The following FSTL5 variants were observed in gnomAD, a reference collection of about 807,000 sequenced individuals.
FSTL5 encodes the protein follistatin-related protein 5.
FSTL5 carries 62 observed loss-of-function variants against 89.1 expected under a neutral mutation model. That is an observed-to-expected ratio of 0.70 (90% CI 0.57 to 0.86). The LOEUF is 0.86. FSTL5 is among the 40% of genes least tolerant of loss of function. The pLI, the probability that FSTL5 is intolerant of heterozygous loss-of-function variation, is 0.00. For missense variants in FSTL5, 1,057 were observed against 1,001.6 expected, an observed-to-expected ratio of 1.06 and a Z score of -0.75; for synonymous variants, 383 against 346.2, an observed-to-expected ratio of 1.11 and a Z score of -1.18.
At chr4:161,925,138 T>C (rs999370208) in intron 3 of FSTL5, among the ~76,000 whole-genome samples, 1 of 151,840 alleles carries the variant, frequency 6.6e-6, no homozygotes, top group African/African-American at 2.4e-5. Flanking sequence ...GTAATAATGC[T>C]CAGCAAAACG....
At chr4:161,802,762 G>GA (rs1038726286) in intron 4 of FSTL5, among the ~76,000 whole-genome samples, 1 of 151,586 alleles carries the variant, frequency 6.6e-6, no homozygotes, top group Non-Finnish European at 1.5e-5. Context: ...TAACAAGATT[G>GA]AAAAAAATTA....
chr4:161,800,984 G>T (rs930823924), intron 4 of FSTL5, among the ~76,000 whole-genome samples: 1 of 151,464 alleles, frequency 6.6e-6, no homozygotes, highest in African/African-American at 2.4e-5. Flanking sequence ...CGGGAGTTTG[G>T]AAGTACTAGG....
chr4:161,963,364 A>C (rs947028372), intron 3 of FSTL5, among the ~76,000 whole-genome samples: 2 of 151,960 alleles, frequency 1.3e-5, no homozygotes, highest in Admixed American at 1.3e-4. Context: ...TAAAAATATA[A>C]ATCAAAGCAA....
chr4:161,466,324 C>T (rs568164801), intron 13 of FSTL5, among the ~76,000 whole-genome samples: 1 of 152,046 alleles, frequency 6.6e-6, no homozygotes, highest in South Asian at 2.1e-4. Context: ...CACATGATAC[C>T]CTAGTCATGG....
At chr4:162,058,442 T>TA (rs1738621855) in intron 2 of FSTL5, among the ~76,000 whole-genome samples, 1 of 141,620 alleles carries the variant, frequency 7.1e-6, no homozygotes, top group Admixed American at 7.2e-5. Context: ...TTTTTTTTTT[T>TA]TTGAGACAGG....
rs113051849 is a variant in FSTL5 at position 162,051,098 on chromosome 4, A to G, written c.127-17440T>C. 2.3e-3 allele frequency among the ~76,000 whole-genome samples: 352 copies of G among 151,726 alleles called. 2 individuals are homozygous for G. Among genetic ancestry groups the G allele is most frequent in the African/African-American group, 7.7e-3 (319 of 41,548 alleles). On this transcript the variant is annotated intron_variant, in intron 2 of 15. Coordinates refer to ENST00000306100, the MANE Select transcript of FSTL5 (RefSeq NM_020116.5). ...AAAGGACAAAAATGTATGTGTGTGC[A>G]GGGGAGGATGTGTATGTGTACTTGG... is the stretch of plus-strand genomic sequence containing the variant.
At chr4:162,092,146 C>T (rs561883699) in intron 2 of FSTL5, among the ~76,000 whole-genome samples, 4 of 152,082 alleles carry the variant, frequency 2.6e-5, no homozygotes, top group Admixed American at 2.6e-4. Context: ...AATCTAGGAA[C>T]TTTTATAAAT....
At chr4:161,663,684 G>A (rs543967933) in intron 6 of FSTL5, among the ~76,000 whole-genome samples, 2 of 152,238 alleles carry the variant, frequency 1.3e-5, no homozygotes, top group African/African-American at 4.8e-5. Context: ...CCATTCTGAG[G>A]TCTGGAGAAC....
intron 15 of FSTL5, among the ~76,000 whole-genome samples, chr4:161,431,496 A>G (rs1045802861): frequency 5.3e-5 from 8 of 151,982 alleles, no homozygotes; most frequent in Non-Finnish European, 1.0e-4. Flanking sequence ...AAATGAAAAC[A>G]TACTACCAGA....
At chr4:161,984,592 C>T (rs1372564602) in intron 3 of FSTL5, among the ~76,000 whole-genome samples, 1 of 152,010 alleles carries the variant, frequency 6.6e-6, no homozygotes, top group African/African-American at 2.4e-5. Flanking sequence ...CACTTTCTTG[C>T]CCAGGCTAGT....
Position 161,403,038 on chromosome 4 carries a change from C to T in FSTL5, c.1842-16589G>A, listed in dbSNP as rs28659916. ...TAGAGACGGGGTTTCACCGTGTTAG[C>T]GAGGATGGTCTTGATCTTCTGACCT... On this transcript the variant is annotated intron_variant, in intron 15 of 15. Coordinates refer to ENST00000306100, the MANE Select transcript of FSTL5 (RefSeq NM_020116.5). Among the ~76,000 whole-genome samples, 1,465 of 152,054 alleles carry T rather than the reference C, an allele frequency of 9.6e-3. 20 individuals carry two copies. The highest frequency in any genetic ancestry group is 0.053 in the East Asian group (273 of 5,144).
intron 1 of FSTL5, among the ~76,000 whole-genome samples, 182 bp from the exon 2 acceptor site, chr4:162,111,594 A>G (rs1026151574): frequency 8.1e-4 from 123 of 152,278 alleles, no homozygotes; most frequent in African/African-American, 2.7e-3. Flanking sequence ...ATCATAACAA[A>G]TACTTTTTTT....
intron 7 of FSTL5, among the ~76,000 whole-genome samples, chr4:161,648,432 A>G (rs1300323966): frequency 6.6e-6 from 1 of 152,148 alleles, no homozygotes; most frequent in Non-Finnish European, 1.5e-5. Flanking sequence ...TGTTAAGTGG[A>G]CAAGGGAACT....
chr4:161,743,824 G>C (rs1174781020), intron 6 of FSTL5, among the ~76,000 whole-genome samples: 1 of 152,142 alleles, frequency 6.6e-6, no homozygotes, highest in African/African-American at 2.4e-5. Context: ...TTTAAGCTGA[G>C]AGATGAGTAT....
At chr4:161,714,239 T>C (rs1225545937) in intron 6 of FSTL5, among the ~76,000 whole-genome samples, 1 of 152,032 alleles carries the variant, frequency 6.6e-6, no homozygotes, top group East Asian at 1.9e-4. Flanking sequence ...CTGAGGTCAC[T>C]TCATGACATG....
intron 3 of FSTL5, among the ~76,000 whole-genome samples, chr4:161,970,202 T>C (rs1347685017): frequency 2.6e-5 from 4 of 152,124 alleles, no homozygotes; most frequent in Non-Finnish European, 5.9e-5. Context: ...AATGAGGACC[T>C]GAGGTAAGAT....
chr4:161,469,798 C>T (rs941152365), intron 13 of FSTL5, among the ~76,000 whole-genome samples: 2 of 151,850 alleles, frequency 1.3e-5, no homozygotes, highest in East Asian at 1.9e-4. Flanking sequence ...CCACCACGCC[C>T]GGCTACTTTT....
chr4:161,617,859 G>A (rs1734954383), intron 7 of FSTL5, among the ~76,000 whole-genome samples: 1 of 152,192 alleles, frequency 6.6e-6, no homozygotes, highest in African/African-American at 2.4e-5. Context: ...CAGCTGGCCT[G>A]CACTTTAAGA....
At chr4:161,577,264 G>T (rs1045093323) in intron 8 of FSTL5, among the ~76,000 whole-genome samples, 1 of 152,068 alleles carries the variant, frequency 6.6e-6, no homozygotes, top group South Asian at 2.1e-4. Context: ...ACAAATGAGG[G>T]TCTTAGGAAA....
Sources: allele counts gnomAD v4.1 joint callset (sites outside exome capture counted in the v4.1 genomes callset), GRCh38; gene constraint gnomAD v4.1.1; transcripts MANE v1.5; gene names NCBI Gene and HGNC (gene_info 2026-07-23, HGNC 2026-07-21).